The following TCHP variants were observed in gnomAD, a reference collection of about 807,000 sequenced individuals.
TCHP encodes the protein trichoplein keratin filament-binding protein.
TCHP carries 81 observed loss-of-function variants against 88.7 expected under a neutral mutation model. That is an observed-to-expected ratio of 0.91 (90% CI 0.76 to 1.10). TCHP has a LOEUF of 1.10. TCHP is among the 50% of genes least tolerant of loss of function. TCHP has a pLI of 0.00. For synonymous variants in TCHP, 232 were observed against 232.5 expected (o/e 1.00, Z 0.02); for missense variants, 641 against 632.1 (o/e 1.01, Z -0.15).
chr12:109,883,371 A>G, the TCHP span, among the ~76,000 whole-genome samples: 5 of 152,110 alleles, frequency 3.3e-5, no homozygotes, highest in African/African-American at 9.7e-5. Context: ...AGGTGAGAGA[A>G]GAGGTTGTTT....
intron 1 of TCHP, among the ~76,000 whole-genome samples, chr12:109,901,243 C>A (rs1391249014): frequency 8.1e-6 from 1 of 123,080 alleles, no homozygotes; most frequent in Non-Finnish European, 1.6e-5. Flanking sequence ...TACTTCCTGG[C>A]TCTGTGATCC....
chr12:109,894,455 T>C, the TCHP span, among the ~76,000 whole-genome samples: 2 of 119,908 alleles, frequency 1.7e-5, no homozygotes, highest in African/African-American at 3.6e-5. Flanking sequence ...AGAGCAAGAC[T>C]CCGTCTCAAA....
At chr12:109,884,392 G>A in the TCHP span, among the ~76,000 whole-genome samples, 1 of 152,056 alleles carries the variant, frequency 6.6e-6, no homozygotes, top group African/African-American at 2.4e-5. Context: ...ATTTCACCGT[G>A]TTAGCCAGGG....
chr12:109,891,781 C>G, the TCHP span, among the ~76,000 whole-genome samples: 1 of 151,834 alleles, frequency 6.6e-6, no homozygotes, highest in Non-Finnish European at 1.5e-5. Context: ...CTTGGCTAGG[C>G]TCACTGAAAA....
the TCHP span, among the ~76,000 whole-genome samples, chr12:109,882,900 G>T: frequency 5.9e-5 from 9 of 151,498 alleles, no homozygotes; most frequent in African/African-American, 1.9e-4. Context: ...CTTGTGATCC[G>T]CCCGCCTCAG....
chr12:109,907,243 A>C (rs1026630433), intron 5 of TCHP, among the ~76,000 whole-genome samples: 1 of 152,226 alleles, frequency 6.6e-6, no homozygotes, highest in African/African-American at 2.4e-5. Context: ...TCTGCATCGT[A>C]AACTCGCAGC....
chr12:109,884,343 C>T, the TCHP span, among the ~76,000 whole-genome samples: 1 of 151,956 alleles, frequency 6.6e-6, no homozygotes, highest in Non-Finnish European at 1.5e-5. Context: ...CGCCCGCCAC[C>T]ACACCCGGCT....
the TCHP span, among the ~76,000 whole-genome samples, chr12:109,891,974 C>A: frequency 6.6e-6 from 1 of 152,122 alleles, no homozygotes; most frequent in African/African-American, 2.4e-5. Context: ...CAAGTAGAAA[C>A]CTTGTCTCAA....
At chr12:109,886,160 CAG>C in the TCHP span, among the ~76,000 whole-genome samples, 4 of 152,070 alleles carry the variant, frequency 2.6e-5, no homozygotes, top group African/African-American at 9.7e-5. Flanking sequence ...CATTTTTAGA[CAG>C]AGTCTTGCTC....
At position 109,907,664 on chromosome 12, in the gene TCHP, C is replaced by A; in HGVS notation, c.664C>A (p.Gln222Lys). ...EDKLQAEALL[Q>K]QMEELKLKEV... ...CAAGCTCCAGGCCGAGGCACTGCTG[C>A]AACAGATGGAGGAGCTGAAGCTGAA... Residue 222 changes from glutamine to lysine, a missense_variant, in exon 6 of 13, where the codon CAA becomes AAA. Transcript: ENST00000405876. The A allele has an allele frequency of 6.2e-7, 1 of 1,612,228 alleles. No homozygotes were observed. The highest frequency in any genetic ancestry group is 1.1e-5 in the South Asian group (1 of 90,982).
At chr12:109,911,039 C>T (rs1269445119) in intron 8 of TCHP, 24 bp from the exon 9 acceptor site, 18 of 1,526,982 alleles carry the variant, frequency 1.2e-5, no homozygotes, top group East Asian at 2.4e-5. Flanking sequence ...AGCCCAGCCA[C>T]GTGCCGCCCT....
the TCHP span, among the ~76,000 whole-genome samples, chr12:109,882,544 GGTAA>G: frequency 6.6e-6 from 1 of 151,924 alleles, no homozygotes; most frequent in African/African-American, 2.4e-5. Context: ...AATGGGAATG[GGTAA>G]GTGAGGGCAA....
chr12:109,904,294 G>A (rs1430222459), intron 3 of TCHP, 147 bp downstream of exon 3: 2 of 697,202 alleles, frequency 2.9e-6, no homozygotes, highest in African/African-American at 1.8e-5. Flanking sequence ...TTAGGTCCTT[G>A]TGCAGGGACT....
rs773608086 is a variant in TCHP at position 109,912,998 on chromosome 12, G to T, written c.1060G>T (p.Ala354Ser). ...CCTTTTGTGTTTGCCCAGGGAGGAG[G>T]CCAAGGAGATGTGGGAAAAGAGAGA... ...AELQMLLREEAKEMWEKREAE... is the reference protein window; with the variant it reads ...AELQMLLREESKEMWEKREAE... Residue 354 changes from alanine (A) to serine (S), a missense_variant, in exon 10 of 13, where the codon GCC becomes TCC. By Grantham distance (99) the Ala-to-Ser change is moderately conservative. Transcript: ENST00000405876. 6.2e-7 allele frequency: 1 copy of T among 1,613,912 alleles called. No homozygotes were observed. Among genetic ancestry groups the T allele is most frequent in the South Asian group, 1.1e-5 (1 of 91,070 alleles).
chr12:109,907,667 C>T lies in TCHP; in HGVS notation c.667C>T (p.Gln223Ter), dbSNP rs1020527567. The T allele has an allele frequency of 6.2e-7, 1 of 1,611,754 alleles. No individual in the cohort carries two copies. Among genetic ancestry groups the T allele is most frequent in the Non-Finnish European group, 8.5e-7 (1 of 1,179,144 alleles). The change falls in exon 6 of 13, where the codon CAG (glutamine) becomes TAG (stop). Residue 223 changes from glutamine (Q) to a stop codon, truncating the protein, a stop_gained. Transcript: ENST00000405876. LOFTEE classifies it high-confidence loss of function. ...GCTCCAGGCCGAGGCACTGCTGCAACAGATGGAGGAGCTGAAGCTGAAGGA... is the reference window on the plus strand; with the variant it reads ...GCTCCAGGCCGAGGCACTGCTGCAATAGATGGAGGAGCTGAAGCTGAAGGA... ...DKLQAEALLQ[Q>*]MEELKLKEVE... is the part of the protein sequence containing the mutation.
rs1211627889 is a variant in TCHP, at chr12:109,917,832, G to A, written c.*1209G>A. ...AGCTAATTACAGGGCATTGTTCCAT[G>A]GTTATTAAAAATCAGAGTTTATTAA... On this transcript the variant is annotated 3_prime_UTR_variant, in exon 13 of 13. Transcript: ENST00000405876. 1 of 152,566 alleles carries A rather than the reference G, an allele frequency of 6.6e-6. No individual in the cohort carries two copies. Among genetic ancestry groups the A allele is most frequent in the African/African-American group, 2.4e-5 (1 of 41,436 alleles). The allele number at this position is 152,566 out of a possible 1,614,324, so 9.5% of individuals were successfully genotyped here. A position where few individuals can be genotyped will look rare whatever the true frequency, so the allele number is the denominator to read the frequency against.
At chr12:109,894,462 C>CA in the TCHP span, among the ~76,000 whole-genome samples, 4,053 of 107,718 alleles carry the variant, frequency 0.038, 219 homozygotes, top group African/African-American at 0.11. Context: ...GACTCCGTCT[C>CA]AAAAAAAAAA....
chr12:109,895,522 T>C (rs922815131), upstream of TCHP, among the ~76,000 whole-genome samples: 1 of 151,974 alleles, frequency 6.6e-6, no homozygotes, highest in African/African-American at 2.4e-5. Context: ...CCTGACCCCA[T>C]TGTTATTTTT....
At chr12:109,889,473 A>C in the TCHP span, among the ~76,000 whole-genome samples, 2 of 152,052 alleles carry the variant, frequency 1.3e-5, no homozygotes, top group Non-Finnish European at 2.9e-5. Context: ...ATCTCAAAAA[A>C]AAAGACGACT....
Sources: gnomAD v4.1 joint callset for allele counts (sites outside exome capture counted in the v4.1 genomes callset) on GRCh38, gnomAD v4.1.1 for gene constraint, MANE v1.5 for transcripts, NCBI Gene and HGNC (gene_info 2026-07-23, HGNC 2026-07-21) for gene names.